PRICKLE1: variants seen among roughly 807,000 people sequenced by gnomAD.
The protein encoded by PRICKLE1 is prickle-like protein 1.
Under a neutral mutation model 70.2 loss-of-function variants are expected in PRICKLE1, and 14 were observed. The observed-to-expected ratio is 0.20, with a 90% confidence interval of 0.13 to 0.31. PRICKLE1 has a LOEUF of 0.31. Ranked by LOEUF, PRICKLE1 falls within the 10% of genes least tolerant of loss-of-function variation. The pLI is 1.00. For synonymous variants in PRICKLE1, 357 were observed against 379.9 expected, an observed-to-expected ratio of 0.94 and a Z score of 0.70; for missense variants, 821 against 1,026.2, an observed-to-expected ratio of 0.80 and a Z score of 2.73.
intron 1 of PRICKLE1, among the ~76,000 whole-genome samples, chr12:42,476,517 T>C (rs7959338): frequency 0.64 from 96,303 of 150,654 alleles, 30,839 homozygotes; most frequent in Admixed American, 0.68. Context: ...GGTTTCTCCA[T>C]GTTGGTCAGA....
chr12:42,502,253 CTA>C (rs966235220), intron 1 of PRICKLE1, among the ~76,000 whole-genome samples: 6 of 137,888 alleles, frequency 4.4e-5, no homozygotes, highest in African/African-American at 5.8e-5. Flanking sequence ...ATATACACAC[CTA>C]TATATATATA....
At position 42,467,906 on chromosome 12, in the gene PRICKLE1, C is replaced by A. The variant is rs114811773; in HGVS notation, c.588+720G>T. Among the ~76,000 whole-genome samples the A allele has an allele frequency of 5.5e-3, 832 of 152,186 alleles. 7 individuals carry two copies. Among genetic ancestry groups the A allele is most frequent in the African/African-American group, 0.019 (795 of 41,522 alleles). ...TACAACGAGTAAATGCAATGAAGCA[C>A]CCTGGATTGATCTTGGATAAGAAAA... On this transcript the variant is annotated intron_variant, in intron 5 of 7. Coordinates refer to ENST00000345127, the MANE Select transcript of PRICKLE1 (RefSeq NM_153026.3).
intron 1 of PRICKLE1, among the ~76,000 whole-genome samples, chr12:42,505,465 T>A (rs1469476599): frequency 6.6e-6 from 1 of 152,214 alleles, no homozygotes; most frequent in African/African-American, 2.4e-5. Flanking sequence ...AGACAGAGTC[T>A]CACTCTGTTG....
At chr12:42,494,890 CT>C (rs751252071) in intron 1 of PRICKLE1, among the ~76,000 whole-genome samples, 2,139 of 130,894 alleles carry the variant, frequency 0.016, 33 homozygotes, top group East Asian at 0.099. Context: ...TTCAGGTTTA[CT>C]TTTTTTTTTT....
Position 42,464,413 on chromosome 12 carries a change from C to A in PRICKLE1, c.1621G>T (p.Ala541Ser), listed in dbSNP as rs763169354. Reference sequence around the variant, plus strand: ...TACGTACCTGTGATATTGGACAATGCCAAAGAATCCATCGAATCCCGAACA... The same window carrying A: ...TACGTACCTGTGATATTGGACAATGACAAAGAATCCATCGAATCCCGAACA... ...QSVRDSMDSL[A>S]LSNITGASVD... is the part of the protein sequence containing the mutation. The change falls in exon 7 of 8, where the codon GCA becomes TCA. Residue 541 changes from alanine to serine, a missense_variant. Physicochemically the swap from Ala to Ser is moderately conservative, Grantham distance 99. Transcript: ENST00000345127. The surrounding 1 kb of genome is among the most constrained non-coding windows in gnomAD (Gnocchi z 4.2). The A allele has an allele frequency of 2.0e-5, 32 of 1,614,104 alleles. No individual in the cohort carries two copies. In the East Asian group the frequency reaches 6.7e-4, roughly 34 times the overall value.
chr12:42,474,794 T>G (rs1457613494), intron 1 of PRICKLE1, among the ~76,000 whole-genome samples: 1 of 152,184 alleles, frequency 6.6e-6, no homozygotes, highest in African/African-American at 2.4e-5. Flanking sequence ...TATGAACATC[T>G]GCCCCCTGCT....
chr12:42,505,019 A>C (rs898839654), intron 1 of PRICKLE1, among the ~76,000 whole-genome samples: 1 of 152,196 alleles, frequency 6.6e-6, no homozygotes, highest in Non-Finnish European at 1.5e-5. Context: ...GGGCACCTGT[A>C]GACCCAGCTA....
intron 1 of PRICKLE1, among the ~76,000 whole-genome samples, chr12:42,475,823 G>C (rs1284722877): frequency 6.7e-6 from 1 of 149,982 alleles, no homozygotes; most frequent in Non-Finnish European, 1.5e-5. Flanking sequence ...GCTGGGTGCA[G>C]TCGCTCACAC....
At chr12:42,522,525 AT>A (rs1328802681) in intron 1 of PRICKLE1, among the ~76,000 whole-genome samples, 1 of 152,218 alleles carries the variant, frequency 6.6e-6, no homozygotes, top group African/African-American at 2.4e-5. Flanking sequence ...ATAAAAATAT[AT>A]TTATATGAAA....
intron 1 of PRICKLE1, among the ~76,000 whole-genome samples, chr12:42,535,088 T>A (rs1037109004): frequency 1.3e-5 from 2 of 152,166 alleles, no homozygotes; most frequent in African/African-American, 4.8e-5. Context: ...ACTGGAACAT[T>A]CCATACCCAT....
At chr12:42,561,812 C>T (rs1262933012) in intron 1 of PRICKLE1, among the ~76,000 whole-genome samples, 1 of 152,044 alleles carries the variant, frequency 6.6e-6, no homozygotes, top group Non-Finnish European at 1.5e-5. Context: ...AAAAATCACA[C>T]TGACAATTTG....
chr12:42,514,890 T>TATCTATC (rs1555235182), intron 1 of PRICKLE1, among the ~76,000 whole-genome samples: 1 of 59,130 alleles, frequency 1.7e-5, no homozygotes, highest in Admixed American at 1.7e-4. Context: ...AGGCTCGCTC[T>TATCTATC]ATCTATCTAT....
chr12:42,461,525 C>T (rs1434155738), intron 7 of PRICKLE1, among the ~76,000 whole-genome samples: 1 of 152,124 alleles, frequency 6.6e-6, no homozygotes, highest in Non-Finnish European at 1.5e-5. Flanking sequence ...TCTACAGTGG[C>T]AGAGCTAAGT....
intron 1 of PRICKLE1, among the ~76,000 whole-genome samples, chr12:42,517,731 A>G (rs903322322): frequency 9.2e-5 from 14 of 152,108 alleles, no homozygotes; most frequent in Admixed American, 9.2e-4. Context: ...GACACCCTAC[A>G]ACCCTTGAGG....
At chr12:42,519,433 G>A (rs75152697) in intron 1 of PRICKLE1, among the ~76,000 whole-genome samples, 22,498 of 151,554 alleles carry the variant, frequency 0.15, 1,920 homozygotes, top group African/African-American at 0.23. Flanking sequence ...TAACCTCAGG[G>A]GATCCATGCG....
intron 4 of PRICKLE1, 147 bp from the exon 5 acceptor site, chr12:42,468,976 G>T: frequency 1.3e-6 from 1 of 774,736 alleles, no homozygotes; most frequent in Non-Finnish European, 2.2e-6. Flanking sequence ...CTTTAATGCT[G>T]GATTACTGGT....
intron 1 of PRICKLE1, among the ~76,000 whole-genome samples, chr12:42,522,655 G>A (rs780207533): frequency 6.6e-6 from 1 of 152,148 alleles, no homozygotes; most frequent in Non-Finnish European, 1.5e-5. Flanking sequence ...CTTTTCCTTA[G>A]TATCCTATGT....
intron 1 of PRICKLE1, among the ~76,000 whole-genome samples, chr12:42,569,389 T>C (rs1037894620): frequency 2.0e-5 from 3 of 152,218 alleles, no homozygotes; most frequent in Admixed American, 6.5e-5. Flanking sequence ...ATGACTGCTT[T>C]TAAGTAATGC....
intron 1 of PRICKLE1, among the ~76,000 whole-genome samples, chr12:42,479,775 G>A (rs2140148115): frequency 6.6e-6 from 1 of 152,166 alleles, no homozygotes; most frequent in Non-Finnish European, 1.5e-5. Context: ...GATCAACATG[G>A]TGAAACCCCA....
Sources: gnomAD v4.1 joint callset for allele counts (sites outside exome capture counted in the v4.1 genomes callset) on GRCh38, gnomAD v4.1.1 for gene constraint, Gnocchi (gnomAD v3.1) non-coding constraint, MANE v1.5 for transcripts, NCBI Gene and HGNC (gene_info 2026-07-23, HGNC 2026-07-21) for gene names.